CDK5RAP2: variants seen among roughly 807,000 people sequenced by gnomAD.
CDK5RAP2 encodes CDK5 regulatory subunit-associated protein 2.
CDK5RAP2 carries 147 observed loss-of-function variants against 232.9 expected under a neutral mutation model. The observed-to-expected ratio is 0.63, with a 90% CI of 0.55 to 0.72. CDK5RAP2 has a LOEUF of 0.72. Among genes scored for constraint, CDK5RAP2 ranks in the 30% least tolerant of loss-of-function variants. CDK5RAP2 has a pLI of 0.00. For missense variants in CDK5RAP2, 2,195 were observed against 2,231.5 expected, an observed-to-expected ratio of 0.98 and a Z score of 0.33; for synonymous variants, 833 against 833.7, an observed-to-expected ratio of 1.00 and a Z score of 0.01.
chr9:120,554,634 TTTG>T (rs369609019), intron 3 of CDK5RAP2, among the ~76,000 whole-genome samples: 10 of 152,080 alleles, frequency 6.6e-5, no homozygotes, highest in African/African-American at 1.2e-4. Context: ...TTTTGTTTTT[TTTG>T]TTGTTGTTGT....
At position 120,415,201 on chromosome 9, in the gene CDK5RAP2, C is replaced by G. The variant is rs918587499; in HGVS notation, c.4178-42G>C. ...ATTTTTAATTTAAAGTCTGAACCCC[C>G]AACAAATTGAATAATTTATGGATTA... On this transcript the variant is annotated intron_variant, in intron 27 of 37. Transcript: ENST00000349780. The G allele has an allele frequency of 3.7e-6, 6 of 1,606,762 alleles. No homozygotes were observed. In the African/African-American group the frequency reaches 8.0e-5, roughly 21 times the overall value.
rs1085307847 is a variant in CDK5RAP2 at position 120,539,089 on chromosome 9, C to T, written c.459G>A (p.Val153=). The change falls in exon 6 of 38, where the codon GTG becomes GTA. Residue 153 remains valine, a synonymous_variant. Coordinates refer to ENST00000349780, the MANE Select transcript of CDK5RAP2 (RefSeq NM_018249.6). ...TAGTTAGGAGATCTTCCACCTGCTG[C>T]ACCTTCTTTCGAGCATCTTCTTTCA... is the stretch of plus-strand genomic sequence containing the variant. ...QRVKEDARKK[V]QQVEDLLTKR... is the part of the protein sequence containing the mutation. The T allele has an allele frequency of 1.9e-6, 3 of 1,614,000 alleles. No homozygotes were observed. The highest frequency in any genetic ancestry group is 1.7e-5 in the Admixed American group (1 of 60,022).
chr9:120,402,034 G>A (rs1159955763), intron 34 of CDK5RAP2, among the ~76,000 whole-genome samples: 4 of 152,178 alleles, frequency 2.6e-5, no homozygotes, highest in South Asian at 2.1e-4. Flanking sequence ...GCTGACGCCT[G>A]TAATCCCAAC....
At position 120,477,344 on chromosome 9, in the gene CDK5RAP2, G is replaced by C. The variant is rs113502442; in HGVS notation, c.1727+6C>G. ...ACATGTGTGATGTCCAGACAGAAAC[G>C]CTTACCTGTCTGATTCCTGCAGAGA... On this transcript the variant is annotated splice_donor_region_variant and intron_variant, in intron 15 of 37. Coordinates refer to ENST00000349780, the MANE Select transcript of CDK5RAP2 (RefSeq NM_018249.6). 7.6e-5 allele frequency: 122 copies of C among 1,606,608 alleles called. No individual in the cohort carries two copies. The African/African-American group carries it at 1.1e-3, about 15-fold the overall frequency.
At chr9:120,569,849 T>C (rs541833950) in intron 2 of CDK5RAP2, among the ~76,000 whole-genome samples, 31 of 152,206 alleles carry the variant, frequency 2.0e-4, no homozygotes, top group African/African-American at 7.2e-4. Context: ...TGGGATAATC[T>C]AGGCCGCAGA....
intron 20 of CDK5RAP2, among the ~76,000 whole-genome samples, chr9:120,455,281 G>C (rs1236879701): frequency 6.7e-6 from 1 of 150,092 alleles, no homozygotes; most frequent in Non-Finnish European, 1.5e-5. Flanking sequence ...TCTAAGCATG[G>C]AAAACAACGT....
chr9:120,545,754 G>C lies in CDK5RAP2; in HGVS notation c.343C>G (p.Arg115Gly), dbSNP rs142895929. Residue 115 changes from arginine to glycine, a missense_variant, in exon 5 of 38, where the codon CGG becomes GGG. Coordinates refer to ENST00000349780, the MANE Select transcript of CDK5RAP2 (RefSeq NM_018249.6). ...AGCTGCTCTCTCTCCTGGAGTTCCC[G>C]CTTCAGACTTTCTACTTCCACCTTG... is the stretch of plus-strand genomic sequence containing the variant. ...ELKVEVESLK[R>G]ELQEREQLLI... The C allele has an allele frequency of 6.2e-7, 1 of 1,613,744 alleles. No individual in the cohort carries two copies. The highest frequency in any genetic ancestry group is 1.7e-5 in the Admixed American group (1 of 60,014).
In CDK5RAP2 at chr9:120,458,731, C is replaced by A. The variant is rs1171750699; in HGVS notation, c.2203-109G>T. The A allele has an allele frequency of 3.1e-6, 3 of 952,550 alleles. No individual in the cohort carries two copies. In the African/African-American group the frequency reaches 4.9e-5, roughly 15 times the overall value. The allele number at this position is 952,550 out of a possible 1,614,324, so 59.0% of individuals were successfully genotyped here. The stretch of plus-strand genomic sequence containing the variant: ...AGTGAGTAAGTGAAAATAAGCCAGA[C>A]ACACTGAGCCAGAGAGAAACAGAAA... On this transcript the variant is annotated intron_variant, in intron 19 of 37. Coordinates refer to ENST00000349780, the MANE Select transcript of CDK5RAP2 (RefSeq NM_018249.6).
At chr9:120,472,713 TAGAAGC>T (rs1196394746) in intron 15 of CDK5RAP2, among the ~76,000 whole-genome samples, 2 of 152,142 alleles carry the variant, frequency 1.3e-5, no homozygotes, top group African/African-American at 4.8e-5. Flanking sequence ...TTGCATGGAC[TAGAAGC>T]CCAAAACCCA....
chr9:120,408,458 C>A lies in CDK5RAP2; in HGVS notation c.4615G>T (p.Glu1539Ter), dbSNP rs776070446. The A allele has an allele frequency of 1.5e-5, 25 of 1,614,036 alleles. No homozygotes were observed. The highest frequency in any genetic ancestry group is 1.9e-5 in the Non-Finnish European group (22 of 1,180,020). Residue 1539 changes from glutamate (E) to a stop codon, truncating the protein, a stop_gained, in exon 31 of 38, where the codon GAG becomes TAG. Transcript: ENST00000349780. LOFTEE classifies it high-confidence loss of function. ...AGCAGCTGCTGCCTCAACTTCACCT[C>A]CTCCTGCACCCTGAGAAGGCCCCAC... ...SGQELSRVQE[E>*]VKLRQQLLSQ... is the part of the protein sequence containing the mutation.
rs2042011217 is a variant in CDK5RAP2, at chr9:120,550,707, C to G, written c.306+85G>C. 3 of 850,110 alleles carry G rather than the reference C, an allele frequency of 3.5e-6. No homozygotes were observed. The South Asian group carries it at 4.0e-5, about 11-fold the overall frequency. The allele number at this position is 850,110 out of a possible 1,614,324, so 52.7% of individuals were successfully genotyped here. On this transcript the variant is annotated intron_variant, in intron 4 of 37. Coordinates refer to ENST00000349780, the MANE Select transcript of CDK5RAP2 (RefSeq NM_018249.6). ...GAAAGCATCTCTATTCATACTAACT[C>G]TAAGAACAAATATTAATCAAATTTC...
chr9:120,421,089 C>T (rs2034539753), intron 26 of CDK5RAP2, among the ~76,000 whole-genome samples: 1 of 152,222 alleles, frequency 6.6e-6, no homozygotes, highest in African/African-American at 2.4e-5. Context: ...AGACTCCCTA[C>T]TTCCTATAGA....
At chr9:120,475,637 C>T (rs1170593347) in intron 15 of CDK5RAP2, among the ~76,000 whole-genome samples, 3 of 152,188 alleles carry the variant, frequency 2.0e-5, no homozygotes. Context: ...AAATGACCAG[C>T]AGCTGAGGTT....
At chr9:120,407,923 TATAATAAAG>T in intron 31 of CDK5RAP2, 1 of 285,776 alleles carries the variant, frequency 3.5e-6, no homozygotes, top group Non-Finnish European at 6.9e-6. Flanking sequence ...GCAGGACGAT[TATAATAAAG>T]GTCATTTCCT....
chr9:120,565,723 C>T (rs2042623610), intron 3 of CDK5RAP2, among the ~76,000 whole-genome samples: 1 of 152,174 alleles, frequency 6.6e-6, no homozygotes, highest in South Asian at 2.1e-4. Context: ...TTGACCAAAC[C>T]GTACCTGTCC....
At chr9:120,391,119 GA>G (rs1384118086) in intron 36 of CDK5RAP2, among the ~76,000 whole-genome samples, 1 of 152,122 alleles carries the variant, frequency 6.6e-6, no homozygotes, top group Non-Finnish European at 1.5e-5. Context: ...TTTTTCCACA[GA>G]GAGACCACAG....
At chr9:120,529,275 A>G (rs552070286) in intron 8 of CDK5RAP2, among the ~76,000 whole-genome samples, 1 of 152,362 alleles carries the variant, frequency 6.6e-6, no homozygotes, top group Admixed American at 6.5e-5. Context: ...CTACTCCAAC[A>G]AGAATGGAAG....
chr9:120,475,716 C>T (rs945943556), intron 15 of CDK5RAP2, among the ~76,000 whole-genome samples: 1 of 152,088 alleles, frequency 6.6e-6, no homozygotes, highest in Non-Finnish European at 1.5e-5. Context: ...TTTCATTTTC[C>T]CTAAACTCAT....
intron 13 of CDK5RAP2, 35 bp downstream of exon 13, chr9:120,491,272 C>T (rs2038890099): frequency 6.5e-7 from 1 of 1,534,808 alleles, no homozygotes; most frequent in East Asian, 2.3e-5. Context: ...CAACCCATGC[C>T]AAATTAAAAA....
Sources: gnomAD v4.1 joint callset for allele counts (sites outside exome capture counted in the v4.1 genomes callset) on GRCh38, gnomAD v4.1.1 for gene constraint, MANE v1.5 for transcripts, NCBI Gene and HGNC (gene_info 2026-07-23, HGNC 2026-07-21) for gene names.